The following DMD variants were observed in gnomAD, a reference collection of about 807,000 sequenced individuals.
DMD encodes the protein mutant dystrophin.
In DMD, 63 loss-of-function variants were observed where a neutral mutation model predicts 330.1. The ratio of observed to expected loss-of-function variants is 0.19; its 90% CI spans 0.16 to 0.24. The LOEUF is 0.24. DMD is among the 10% of genes least tolerant of loss of function. DMD has a pLI of 1.00. For synonymous variants in DMD, 1,223 were observed against 959.8 expected, an observed-to-expected ratio of 1.27 and a Z score of -5.07; for missense variants, 3,344 against 2,684.1, an observed-to-expected ratio of 1.25 and a Z score of -5.43.
At chrX:32,473,028 C>T (rs1009121589) in intron 21 of DMD, among the ~76,000 whole-genome samples, 9 of 110,248 alleles carry the variant, frequency 8.2e-5, no homozygotes, top group African/African-American at 3.0e-4. Context: ...TATATACAAA[C>T]AAGTTTATAC....
chrX:31,155,076 A>G (rs972851461), intron 74 of DMD, among the ~76,000 whole-genome samples: 9 of 112,695 alleles, frequency 8.0e-5, no homozygotes, highest in Non-Finnish European at 1.7e-4. Flanking sequence ...ACTAATGGAC[A>G]TAAGAGATTA....
At chrX:31,729,453 A>G (rs1054914618) in intron 52 of DMD, among the ~76,000 whole-genome samples, 178 bp downstream of exon 52, 15 of 112,640 alleles carry the variant, frequency 1.3e-4, no homozygotes, top group African/African-American at 4.8e-4. Context: ...TATTCAATGG[A>G]ATTACATTCA....
intron 9 of DMD, among the ~76,000 whole-genome samples, chrX:32,669,589 G>A (rs940958122): frequency 1.8e-5 from 2 of 111,313 alleles, no homozygotes; most frequent in Admixed American, 9.6e-5. Flanking sequence ...CTCCACCCTA[G>A]CCCCTGCAAT....
chrX:33,115,312 T>C (rs2095372798), intron 1 of DMD, among the ~76,000 whole-genome samples: 1 of 111,164 alleles, frequency 9.0e-6, no homozygotes, highest in African/African-American at 3.3e-5. Flanking sequence ...CTAAAATGGA[T>C]TGTGATGCAG....
At chrX:33,205,177 C>T (rs1316935856) in intron 1 of DMD, among the ~76,000 whole-genome samples, 1 of 112,460 alleles carries the variant, frequency 8.9e-6, no homozygotes, top group Non-Finnish European at 1.9e-5. Flanking sequence ...CCTTTTGCTT[C>T]CTAGTTATTT....
chrX:32,122,945 C>T (rs994545070), intron 44 of DMD, among the ~76,000 whole-genome samples: 1 of 108,497 alleles, frequency 9.2e-6, no homozygotes, highest in Admixed American at 1.0e-4. Context: ...CAGACTTCAC[C>T]CCTTAATCGG....
intron 9 of DMD, among the ~76,000 whole-genome samples, chrX:32,682,789 G>A (rs1004237767): frequency 1.8e-5 from 2 of 111,946 alleles, no homozygotes; most frequent in Non-Finnish European, 3.8e-5. Context: ...GTGAGACCAT[G>A]TAACTAGTTG....
intron 48 of DMD, among the ~76,000 whole-genome samples, chrX:31,862,369 G>A (rs770532453): frequency 2.6e-4 from 29 of 110,685 alleles, no homozygotes; most frequent in Non-Finnish European, 4.3e-4. Context: ...CTGACCTCGT[G>A]ATCCACCTGC....
At chrX:33,093,389 A>G (rs2148323788) in intron 1 of DMD, among the ~76,000 whole-genome samples, 1 of 112,423 alleles carries the variant, frequency 8.9e-6, no homozygotes, top group African/African-American at 3.2e-5. Flanking sequence ...AAGGATAGGA[A>G]ACATGTTTTC....
intron 11 of DMD, among the ~76,000 whole-genome samples, chrX:32,614,815 C>G (rs2057431009): frequency 9.1e-6 from 1 of 110,345 alleles, no homozygotes; most frequent in South Asian, 3.7e-4. Flanking sequence ...AATTCTTTGT[C>G]ACTTTTCCCT....
intron 1 of DMD, among the ~76,000 whole-genome samples, chrX:33,261,866 C>A (rs943887118): frequency 3.6e-5 from 4 of 109,716 alleles, no homozygotes; most frequent in African/African-American, 1.3e-4. Flanking sequence ...AAAGCAAACC[C>A]TTTTACTCTA....
At chrX:31,662,360 T>C (rs1369118979) in intron 53 of DMD, among the ~76,000 whole-genome samples, 2 of 111,444 alleles carry the variant, frequency 1.8e-5, no homozygotes, top group Non-Finnish European at 3.8e-5. Flanking sequence ...AGTCAAACTA[T>C]ATTCCCCACA....
At chrX:32,979,764 G>A (rs894957626) in intron 2 of DMD, among the ~76,000 whole-genome samples, 1 of 111,785 alleles carries the variant, frequency 8.9e-6, no homozygotes, top group Non-Finnish European at 1.9e-5. Flanking sequence ...GGGAGAAGTA[G>A]TCTCATATAG....
rs184465039 is a variant in DMD, at chrX:32,395,732, C to T, written c.4234-5551G>A. 2.4e-3 allele frequency among the ~76,000 whole-genome samples: 271 copies of T among 110,864 alleles called. 2 individuals are homozygous for T. Among genetic ancestry groups the T allele is most frequent in the African/African-American group, 8.7e-3 (267 of 30,515 alleles). On this transcript the variant is annotated intron_variant, in intron 30 of 78. Coordinates refer to ENST00000357033, the MANE Select transcript of DMD (RefSeq NM_004006.3). ...GGGTCAGAGAATAAGAATATAGGAT[C>T]TTATTTTAGGCTGTAGGAAACAAGC...
intron 7 of DMD, among the ~76,000 whole-genome samples, chrX:32,765,836 G>A (rs2072916784): frequency 9.0e-6 from 1 of 111,609 alleles, no homozygotes; most frequent in Non-Finnish European, 1.9e-5. Flanking sequence ...TAAAAGTTCT[G>A]TACTTTTGGC....
At chrX:31,829,464 T>TAAA (rs1292420127) in intron 49 of DMD, among the ~76,000 whole-genome samples, 15,363 of 104,450 alleles carry the variant, frequency 0.15, 1,324 homozygotes, top group African/African-American at 0.32. Flanking sequence ...AAAAAAAAAT[T>TAAA]TTTTAATTAA....
intron 1 of DMD, among the ~76,000 whole-genome samples, chrX:33,283,900 C>T (rs1377642886): frequency 9.2e-6 from 1 of 108,391 alleles, no homozygotes; most frequent in Non-Finnish European, 1.9e-5. Flanking sequence ...CGCCTGTAGT[C>T]CCAGCTACTC....
At chrX:31,214,937 C>CTTT (rs761569710) in intron 64 of DMD, among the ~76,000 whole-genome samples, 4 of 38,098 alleles carry the variant, frequency 1.0e-4, no homozygotes, top group Admixed American at 4.2e-4. Flanking sequence ...TTTCTTTTTT[C>CTTT]TTTTTTTTTT....
intron 1 of DMD, among the ~76,000 whole-genome samples, chrX:33,080,121 T>C (rs2094905783): frequency 8.9e-6 from 1 of 112,617 alleles, no homozygotes; most frequent in Admixed American, 9.4e-5. Flanking sequence ...TAGAACGCTT[T>C]ATAATTTTCC....
Sources: gnomAD v4.1 joint callset for allele counts (sites outside exome capture counted in the v4.1 genomes callset) on GRCh38, gnomAD v4.1.1 for gene constraint, MANE v1.5 for transcripts, NCBI Gene and HGNC (gene_info 2026-07-23, HGNC 2026-07-21) for gene names.